The following AFG2A variants were observed in gnomAD, a reference collection of about 807,000 sequenced individuals.
AFG2A encodes the protein AAA ATPase AFG2A, also known as ATPase family gene 2 protein homolog A.
chr4:123,029,231 G>A, the AFG2A span, among the ~76,000 whole-genome samples: 1 of 152,106 alleles, frequency 6.6e-6, no homozygotes, highest in African/African-American at 2.4e-5. Context: ...CCGAATAGCT[G>A]GGACTACAGG....
At chr4:123,033,993 G>A in the AFG2A span, among the ~76,000 whole-genome samples, 1 of 152,148 alleles carries the variant, frequency 6.6e-6, no homozygotes, top group African/African-American at 2.4e-5. Context: ...CTGACAAGCC[G>A]TGCCACAGCC....
the AFG2A span, among the ~76,000 whole-genome samples, chr4:123,234,651 A>G: frequency 6.6e-6 from 1 of 152,170 alleles, no homozygotes; most frequent in Non-Finnish European, 1.5e-5. Flanking sequence ...CAAATGAAGA[A>G]AAAGTATTTT....
chr4:123,226,266 C>G, the AFG2A span, among the ~76,000 whole-genome samples: 37 of 152,136 alleles, frequency 2.4e-4, 1 homozygote, highest in Admixed American at 1.0e-3. Flanking sequence ...GGAGTGGTGA[C>G]AGAGGGCATC....
the AFG2A span, among the ~76,000 whole-genome samples, chr4:123,226,336 T>C: frequency 2.0e-5 from 3 of 152,322 alleles, no homozygotes; most frequent in South Asian, 2.1e-4. Context: ...CAGTATGATA[T>C]TGGCTGTGGG....
chr4:122,976,645 A>G, the AFG2A span, among the ~76,000 whole-genome samples: 5 of 152,116 alleles, frequency 3.3e-5, no homozygotes, highest in African/African-American at 9.7e-5. Flanking sequence ...CTCCCTTGCT[A>G]TAATATCAAA....
At chr4:123,055,939 T>G in the AFG2A span, among the ~76,000 whole-genome samples, 2 of 152,306 alleles carry the variant, frequency 1.3e-5, no homozygotes, top group African/African-American at 4.8e-5. Context: ...TTACAATATT[T>G]GATATTCTAG....
chr4:123,160,078 G>A, the AFG2A span, among the ~76,000 whole-genome samples: 1 of 151,964 alleles, frequency 6.6e-6, no homozygotes, highest in African/African-American at 2.4e-5. Context: ...ATATTGGTGT[G>A]ATGACTAGCC....
the AFG2A span, among the ~76,000 whole-genome samples, chr4:123,119,413 C>T: frequency 6.6e-6 from 1 of 152,230 alleles, no homozygotes; most frequent in South Asian, 2.1e-4. Flanking sequence ...TAGCAGAGGG[C>T]CTTCTTATCA....
chr4:123,226,511 T>C, the AFG2A span, among the ~76,000 whole-genome samples: 11 of 152,358 alleles, frequency 7.2e-5, no homozygotes, highest in Non-Finnish European at 1.5e-4. Flanking sequence ...CTGGATTACA[T>C]TTACTGATTT....
At chr4:123,108,072 C>T in the AFG2A span, among the ~76,000 whole-genome samples, 2 of 152,204 alleles carry the variant, frequency 1.3e-5, no homozygotes, top group African/African-American at 2.4e-5. Context: ...CCTGCCCGTT[C>T]GCAGCCTTGA....
chr4:122,958,903 T>C, the AFG2A span, among the ~76,000 whole-genome samples: 3 of 152,206 alleles, frequency 2.0e-5, no homozygotes, highest in Non-Finnish European at 4.4e-5. Context: ...CCAAGTGATT[T>C]TGAAGCAGCC....
chr4:122,944,062 C>T, the AFG2A span, among the ~76,000 whole-genome samples: 42 of 152,334 alleles, frequency 2.8e-4, no homozygotes, highest in Admixed American at 5.9e-4. Context: ...TCTGGCTGCT[C>T]TTAACATTTT....
chr4:123,291,365 G>T, the AFG2A span, among the ~76,000 whole-genome samples: 5 of 152,050 alleles, frequency 3.3e-5, no homozygotes, highest in African/African-American at 1.2e-4. Context: ...TGATCATTTT[G>T]ATTGTTATCT....
At chr4:123,128,285 C>A in the AFG2A span, among the ~76,000 whole-genome samples, 34 of 151,836 alleles carry the variant, frequency 2.2e-4, 1 homozygote. Flanking sequence ...GGGAAAAAAA[C>A]CATTGTGTCT....
chr4:122,924,133 G>A, the AFG2A span, among the ~76,000 whole-genome samples: 42 of 152,298 alleles, frequency 2.8e-4, no homozygotes, highest in South Asian at 6.6e-3. Context: ...TTTTCACTCT[G>A]CCTTAGGTAT....
the AFG2A span, among the ~76,000 whole-genome samples, chr4:123,199,430 AT>A: frequency 1.4e-5 from 2 of 145,228 alleles, no homozygotes; most frequent in Non-Finnish European, 3.0e-5. Flanking sequence ...AAGAAACTAA[AT>A]TATGGAATCT....
the AFG2A span, among the ~76,000 whole-genome samples, chr4:123,267,163 T>C: frequency 1.3e-5 from 2 of 152,054 alleles, no homozygotes; most frequent in African/African-American, 4.8e-5. Flanking sequence ...AGAGCTGCAA[T>C]GCAGTGGTTA....
the AFG2A span, among the ~76,000 whole-genome samples, chr4:123,222,028 T>A: frequency 2.0e-5 from 3 of 152,216 alleles, no homozygotes; most frequent in African/African-American, 7.2e-5. Flanking sequence ...TTAAATGGAT[T>A]ATGATGTAAT....
the AFG2A span, among the ~76,000 whole-genome samples, chr4:123,302,922 G>A: frequency 1.3e-5 from 2 of 152,120 alleles, no homozygotes; most frequent in Admixed American, 1.3e-4. Flanking sequence ...TTCCATGAAA[G>A]CAAGACTGTT....
Sources: allele counts gnomAD v4.1 joint callset (sites outside exome capture counted in the v4.1 genomes callset), GRCh38; gene constraint gnomAD v4.1.1; transcripts MANE v1.5; gene names NCBI Gene and HGNC (gene_info 2026-07-23, HGNC 2026-07-21).